GPR108: variants seen among roughly 807,000 people sequenced by gnomAD.
GPR108 encodes protein GPR108.
In GPR108, 60 loss-of-function variants were observed where a neutral mutation model predicts 74.3. That is an observed-to-expected ratio of 0.81 (90% confidence interval 0.66 to 1.00). The LOEUF is 1.00. Ranked by LOEUF, GPR108 falls within the 50% of genes least tolerant of loss-of-function variation. GPR108 has a pLI of 0.00. For missense variants in GPR108, 667 were observed against 703.3 expected, an observed-to-expected ratio of 0.95 and a Z score of 0.58; for synonymous variants, 311 against 292.4, an observed-to-expected ratio of 1.06 and a Z score of -0.65.
intron 5 of GPR108, 39 bp from the exon 6 acceptor site, chr19:6,734,093 A>T (rs751004548): frequency 6.2e-7 from 1 of 1,614,112 alleles, no homozygotes; most frequent in Non-Finnish European, 8.5e-7. Flanking sequence ...AGATGGATGG[A>T]TGGATAGAGG....
intron 4 of GPR108, among the ~76,000 whole-genome samples, chr19:6,734,794 G>C (rs1968562545): frequency 1.3e-5 from 2 of 151,748 alleles, no homozygotes; most frequent in Non-Finnish European, 2.9e-5. Context: ...TCCTGGCTCA[G>C]CCAGTCTCCC....
intron 1 of GPR108, 84 bp from the exon 2 acceptor site, chr19:6,736,795 A>T (rs747364536): frequency 6.3e-7 from 1 of 1,590,804 alleles, no homozygotes. Flanking sequence ...GACCTCCAGA[A>T]GGGCCTCCTG....
In GPR108 at chr19:6,737,282, C is replaced by G; in HGVS notation, c.120+175G>C. ...GCGAGGCGGACCCGGCAACTCCATC[C>G]GGAGGACCGAAGGGGATCCCGGGAC... is the stretch of plus-strand genomic sequence containing the variant. On this transcript the variant is annotated intron_variant, in intron 1 of 17. Coordinates refer to ENST00000264080, the MANE Select transcript of GPR108 (RefSeq NM_001080452.2). 3.6e-6 allele frequency: 3 copies of G among 824,862 alleles called. No homozygotes were observed. In the South Asian group the frequency reaches 5.8e-5, roughly 16 times the overall value. 51.1% of individuals were successfully genotyped at this position (824,862 alleles called of 1,614,324 possible). A position where few individuals can be genotyped will look rare whatever the true frequency, so the allele number is the denominator to read the frequency against.
chr19:6,732,169 G>A lies in GPR108; in HGVS notation c.1126-14C>T, dbSNP rs1056317887. 13 of 1,612,972 alleles carry A rather than the reference G, an allele frequency of 8.1e-6. No homozygotes were observed. Among genetic ancestry groups the A allele is most frequent in the African/African-American group, 1.3e-5 (1 of 74,918 alleles). The stretch of plus-strand genomic sequence containing the variant: ...GTTGGCCAGGACCTGCGCAGGCGGC[G>A]GGGGTGGGTGGGCACTGCCTGGCAC... On this transcript the variant is annotated splice_polypyrimidine_tract_variant and intron_variant, in intron 12 of 17. Transcript: ENST00000264080.
At chr19:6,730,935 C>T in intron 17 of GPR108, 52 bp downstream of exon 17, 2 of 1,584,218 alleles carry the variant, frequency 1.3e-6, no homozygotes, top group South Asian at 1.1e-5. Flanking sequence ...GAGCTGCCCA[C>T]CCCCTACTCC....
chr19:6,732,630 G>A (rs905728938), intron 10 of GPR108, 81 bp from the exon 11 acceptor site: 13 of 1,075,020 alleles, frequency 1.2e-5, no homozygotes, highest in Middle Eastern at 2.1e-4. Context: ...TTAGGAACAC[G>A]GACCGTCACC....
At chr19:6,737,196 G>T (rs1227781259) in intron 1 of GPR108, 6 of 506,722 alleles carry the variant, frequency 1.2e-5, no homozygotes, top group Admixed American at 3.9e-5. Context: ...CAGTTGGGGG[G>T]AAGGGGGGTG....
At position 6,733,029 on chromosome 19, in the gene GPR108, C is replaced by T. The variant is rs761808209; in HGVS notation, c.891G>A (p.Ala297=). The T allele has an allele frequency of 4.2e-5, 67 of 1,611,710 alleles. No individual in the cohort carries two copies. Among genetic ancestry groups the T allele is most frequent in the African/African-American group, 2.1e-4 (16 of 74,858 alleles). The change falls in exon 10 of 18, where the codon GCG becomes GCA. Residue 297 remains alanine (A), a synonymous_variant. Transcript: ENST00000264080. ...AGATGCTCTTGGTGAAGGCCAAGGC[C>T]GCCATGAGCCAGTGGATCTTGAAGA... ...YSVFKIHWLM[A]ALAFTKSISL... is the part of the protein sequence containing the mutation.
At chr19:6,734,125 G>T in intron 5 of GPR108, 58 bp downstream of exon 5, 1 of 1,614,160 alleles carries the variant, frequency 6.2e-7, no homozygotes, top group Non-Finnish European at 8.5e-7. Flanking sequence ...AACGGCATGG[G>T]GAGTGCAAAG....
chr19:6,735,170 C>T (rs966791535), intron 4 of GPR108, among the ~76,000 whole-genome samples: 27 of 152,146 alleles, frequency 1.8e-4, no homozygotes, highest in African/African-American at 6.0e-4. Flanking sequence ...GGATTACAGG[C>T]GTAAGCCACT....
At chr19:6,737,216 A>G (rs1439631555) in intron 1 of GPR108, 2 of 535,290 alleles carry the variant, frequency 3.7e-6, no homozygotes, top group Admixed American at 7.6e-5. Context: ...GTAGTCCCCA[A>G]GAGATGGAGC....
rs759114056 is a variant in GPR108, at chr19:6,731,307, G to A, written c.1351-25C>T. On this transcript the variant is annotated intron_variant, in intron 15 of 17. Coordinates refer to ENST00000264080, the MANE Select transcript of GPR108 (RefSeq NM_001080452.2). ...CCTGCAGGGGCGCGAGCAGGCGTGG[G>A]GCCAGGACTGTAGGGGCACGGGCAG... 3 of 1,537,026 alleles carry A rather than the reference G, an allele frequency of 2.0e-6. No homozygotes were observed. The South Asian group carries it at 3.7e-5, about 19-fold the overall frequency.
chr19:6,730,959 CCGGCCCTGCCCATGGTGCCCAG>C lies in GPR108; in HGVS notation c.1559+6_1559+27del. ...ACCCCCTACTCCACCCCCAGAGCCG[CCGGCCCTGCCCATGGTGCCCAG>C]CTCACACTTGCTCCATCTGAACATC... On this transcript the variant is annotated splice_donor_region_variant and intron_variant, in intron 17 of 17. Coordinates refer to ENST00000264080, the MANE Select transcript of GPR108 (RefSeq NM_001080452.2). The C allele has an allele frequency of 6.2e-7, 1 of 1,610,916 alleles. No homozygotes were observed. The highest frequency in any genetic ancestry group is 1.3e-5 in the African/African-American group (1 of 74,690).
intron 2 of GPR108, 23 bp from the exon 3 acceptor site, chr19:6,735,981 G>A: frequency 6.3e-7 from 1 of 1,596,964 alleles, no homozygotes; most frequent in Non-Finnish European, 8.5e-7. Flanking sequence ...AAAAAAAAGG[G>A]GAGGGTGTGA....
In GPR108 at chr19:6,734,827, G is replaced by A. The variant is rs193038378; in HGVS notation, c.375-520C>T. ...CCCAAAGCACTGGAATTAATGGCATGAGCCACCATGGCCAGCCCTACATTA... is the reference window on the plus strand; with the variant it reads ...CCCAAAGCACTGGAATTAATGGCATAAGCCACCATGGCCAGCCCTACATTA... On this transcript the variant is annotated intron_variant, in intron 4 of 17. Transcript: ENST00000264080. Among the ~76,000 whole-genome samples the A allele has an allele frequency of 4.2e-3, 628 of 150,626 alleles. 2 individuals are homozygous for A. The highest frequency in any genetic ancestry group is 0.014 in the African/African-American group (579 of 41,110).
chr19:6,730,324 C>G lies in GPR108; in HGVS notation c.1620G>C (p.Arg540=), dbSNP rs73922477. The change falls in exon 18 of 18, where the codon CGG becomes CGC. Residue 540 remains arginine (R), a synonymous_variant. Coordinates refer to ENST00000264080, the MANE Select transcript of GPR108 (RefSeq NM_001080452.2). ...LSKVNKTASG[R]ELL Reference sequence around the variant, plus strand: ...GATGTGGAGGTGATCATAACAGTTCCCGCCCGCTGGCTGTTTTGTTGACTT... The same window carrying G: ...GATGTGGAGGTGATCATAACAGTTCGCGCCCGCTGGCTGTTTTGTTGACTT... The G allele has an allele frequency of 1.8e-3, 2,898 of 1,613,808 alleles. 49 individuals carry two copies. In the African/African-American group the frequency reaches 0.034, roughly 19 times the overall value.
intron 2 of GPR108, among the ~76,000 whole-genome samples, chr19:6,736,372 C>G (rs1248642762): frequency 6.6e-6 from 1 of 152,170 alleles, no homozygotes; most frequent in Non-Finnish European, 1.5e-5. Flanking sequence ...GCTAGGACTA[C>G]AAAGCCTGAG....
chr19:6,731,786 TG>T (rs2145467077), intron 14 of GPR108, 104 bp downstream of exon 14: 1 of 1,337,400 alleles, frequency 7.5e-7, no homozygotes, highest in Non-Finnish European at 1.0e-6. Context: ...GGCAGAGGCC[TG>T]GGGGCTGGGC....
chr19:6,733,123 G>T (rs376882300), intron 9 of GPR108, 45 bp downstream of exon 9: 532 of 1,613,306 alleles, frequency 3.3e-4, no homozygotes, highest in Non-Finnish European at 4.4e-4. Flanking sequence ...AGGGATGGGG[G>T]TCTGGTGAAG....
Sources: allele counts gnomAD v4.1 joint callset (sites outside exome capture counted in the v4.1 genomes callset), GRCh38; gene constraint gnomAD v4.1.1; transcripts MANE v1.5; gene names NCBI Gene and HGNC (gene_info 2026-07-23, HGNC 2026-07-21).